The following TAFA5 variants were observed in gnomAD, a reference collection of about 807,000 sequenced individuals.
TAFA5 encodes TAFA chemokine like family member 5.
TAFA5 carries 6 observed loss-of-function variants against 15.3 expected under a neutral mutation model. That is an observed-to-expected ratio of 0.39 (90% CI 0.21 to 0.77). The LOEUF is 0.77. Ranked by LOEUF, TAFA5 falls within the 30% of genes least tolerant of loss-of-function variation. The pLI is 0.41. For synonymous variants in TAFA5, 103 were observed against 80.7 expected, an observed-to-expected ratio of 1.28 and a Z score of -1.48; for missense variants, 161 against 193.1, an observed-to-expected ratio of 0.83 and a Z score of 0.98.
chr22:48,667,611 G>T (rs997625509), intron 2 of TAFA5, among the ~76,000 whole-genome samples: 7 of 152,290 alleles, frequency 4.6e-5, no homozygotes, highest in Admixed American at 2.6e-4. Flanking sequence ...TCCGCACTGC[G>T]TTATAACTCC....
chr22:48,521,552 C>CA (rs567633386), intron 1 of TAFA5, among the ~76,000 whole-genome samples: 177 of 152,164 alleles, frequency 1.2e-3, no homozygotes, highest in African/African-American at 4.0e-3. Context: ...GTGATAAAAA[C>CA]AAAAAAATTC....
intron 1 of TAFA5, among the ~76,000 whole-genome samples, chr22:48,616,893 G>A (rs1019699848): frequency 6.6e-6 from 1 of 152,112 alleles, no homozygotes; most frequent in African/African-American, 2.4e-5. Flanking sequence ...TCTTGTCCGA[G>A]AGAGGCCTTC....
At chr22:48,663,369 A>G (rs1317717809) in intron 2 of TAFA5, among the ~76,000 whole-genome samples, 4 of 152,154 alleles carry the variant, frequency 2.6e-5, no homozygotes, top group Non-Finnish European at 5.9e-5. Context: ...CTCACTGCCA[A>G]AGTCACCTTG....
intron 3 of TAFA5, among the ~76,000 whole-genome samples, chr22:48,715,524 G>A (rs570025298): frequency 6.6e-6 from 1 of 152,342 alleles, no homozygotes; most frequent in Admixed American, 6.5e-5. Context: ...CTCCTCTTGG[G>A]TGCTCTGCTT....
At chr22:48,740,301 T>C (rs1930142710) in intron 3 of TAFA5, among the ~76,000 whole-genome samples, 1 of 152,136 alleles carries the variant, frequency 6.6e-6, no homozygotes, top group Admixed American at 6.5e-5. Context: ...GCGGGGGCCC[T>C]GGGGCAGACG....
intron 3 of TAFA5, among the ~76,000 whole-genome samples, chr22:48,740,288 G>A (rs559778179): frequency 6.6e-6 from 1 of 152,316 alleles, no homozygotes; most frequent in South Asian, 2.1e-4. Flanking sequence ...GGTGGCTGCA[G>A]GAGCGGGGGC....
intron 1 of TAFA5, among the ~76,000 whole-genome samples, chr22:48,570,781 G>T (rs1314053034): frequency 6.6e-6 from 1 of 152,134 alleles, no homozygotes; most frequent in African/African-American, 2.4e-5. Flanking sequence ...AATTTGAATG[G>T]AATTAAAGGA....
chr22:48,733,486 A>G (rs1416307407), intron 3 of TAFA5, among the ~76,000 whole-genome samples: 1 of 152,228 alleles, frequency 6.6e-6, no homozygotes, highest in Non-Finnish European at 1.5e-5. Context: ...CTGCATGGTG[A>G]CTTTTTGGAC....
At chr22:48,537,345 CT>C (rs917932207) in intron 1 of TAFA5, among the ~76,000 whole-genome samples, 17 of 152,208 alleles carry the variant, frequency 1.1e-4, no homozygotes, top group African/African-American at 4.1e-4. Context: ...GAGACGGGGT[CT>C]GGCCATGGGA....
intron 1 of TAFA5, chr22:48,539,364 T>C: frequency 2.1e-6 from 1 of 471,224 alleles, no homozygotes; most frequent in Non-Finnish European, 4.4e-6. Flanking sequence ...TCCTCCAGGC[T>C]GTGCGTGGCC....
chr22:48,492,753 G>A (rs951811275), intron 1 of TAFA5, among the ~76,000 whole-genome samples: 2 of 152,170 alleles, frequency 1.3e-5, no homozygotes, highest in African/African-American at 2.4e-5. Flanking sequence ...GGTTTCCTCC[G>A]CGGCCGGTGC....
At chr22:48,582,341 A>C (rs537750116) in intron 1 of TAFA5, among the ~76,000 whole-genome samples, 1 of 150,274 alleles carries the variant, frequency 6.7e-6, no homozygotes, top group Non-Finnish European at 1.5e-5. Flanking sequence ...CACACAAAAT[A>C]CACCACACAC....
chr22:48,620,460 CAGTT>C (rs1925760476), intron 1 of TAFA5, among the ~76,000 whole-genome samples: 1 of 152,052 alleles, frequency 6.6e-6, no homozygotes, highest in Non-Finnish European at 1.5e-5. Context: ...GGTTTTTAAT[CAGTT>C]AGTTCTGCTA....
chr22:48,717,650 A>G (rs1186359980), intron 3 of TAFA5, among the ~76,000 whole-genome samples: 1 of 152,224 alleles, frequency 6.6e-6, no homozygotes, highest in African/African-American at 2.4e-5. Context: ...CGTATTCATC[A>G]GGCCCCGTTC....
chr22:48,605,185 G>T (rs138364584), intron 1 of TAFA5, among the ~76,000 whole-genome samples: 2 of 92 alleles, frequency 0.022, 1 homozygote, highest in Non-Finnish European at 0.032. Flanking sequence ...TGATGATGGT[G>T]GTGGTGGTAA....
At chr22:48,617,587 C>T (rs28418370) in intron 1 of TAFA5, among the ~76,000 whole-genome samples, 113,551 of 152,172 alleles carry the variant, frequency 0.75, 42,963 homozygotes, top group East Asian at 0.92. Flanking sequence ...ACTGTCGTCA[C>T]CTCTCAGGCT....
At chr22:48,630,740 T>G (rs1457660982) in intron 1 of TAFA5, among the ~76,000 whole-genome samples, 1 of 152,114 alleles carries the variant, frequency 6.6e-6, no homozygotes, top group African/African-American at 2.4e-5. Context: ...GGGCCCTGAA[T>G]CACGGGGGCG....
At position 48,530,565 on chromosome 22, in the gene TAFA5, G is replaced by A. The variant is rs766339510; in HGVS notation, c.112+40861G>A. Among the ~76,000 whole-genome samples, 14 of 152,244 alleles carry A rather than the reference G, an allele frequency of 9.2e-5. No homozygotes were observed. The highest frequency in any genetic ancestry group is 5.8e-4 in the East Asian group (3 of 5,156). On this transcript the variant is annotated intron_variant, in intron 1 of 3. Coordinates refer to ENST00000402357, the MANE Select transcript of TAFA5 (RefSeq NM_001082967.3). The surrounding 1 kb of genome is among the most constrained non-coding windows in gnomAD (Gnocchi z 6.0). Reference sequence around the variant, plus strand: ...AAAGCAGGTGGACAGGGCTCCTCCCGTCTCCTCCCCTGCTAGAGGGTGGGC... The same window carrying A: ...AAAGCAGGTGGACAGGGCTCCTCCCATCTCCTCCCCTGCTAGAGGGTGGGC...
intron 1 of TAFA5, among the ~76,000 whole-genome samples, chr22:48,623,899 G>A (rs918110473): frequency 2.0e-5 from 3 of 152,200 alleles, no homozygotes; most frequent in African/African-American, 7.2e-5. Flanking sequence ...ATTATTAATA[G>A]GACATTTTAA....
Sources: gnomAD v4.1 joint callset for allele counts (sites outside exome capture counted in the v4.1 genomes callset) on GRCh38, gnomAD v4.1.1 for gene constraint, Gnocchi (gnomAD v3.1) non-coding constraint, MANE v1.5 for transcripts, NCBI Gene and HGNC (gene_info 2026-07-23, HGNC 2026-07-21) for gene names.